Variants in VPS13A observed in about 807,000 individuals in gnomAD.
VPS13A encodes the protein intermembrane lipid transfer protein VPS13A.
VPS13A carries 264 observed loss-of-function variants against 390.9 expected under a neutral mutation model. The ratio of observed to expected loss-of-function variants is 0.68; its 90% CI spans 0.61 to 0.75. The LOEUF (loss-of-function observed/expected upper bound fraction) is 0.75. Among genes scored for constraint, VPS13A ranks in the 30% least tolerant of loss-of-function variants. VPS13A has a pLI of 0.00. For missense variants in VPS13A, 3,409 were observed against 3,733.9 expected, an observed-to-expected ratio of 0.91 and a Z score of 2.27; for synonymous variants, 1,231 against 1,227.1, an observed-to-expected ratio of 1.00 and a Z score of -0.07.
intron 58 of VPS13A, 34 bp from the exon 59 acceptor site, chr9:77,360,502 A>G (rs1832083583): frequency 1.3e-6 from 2 of 1,505,104 alleles, no homozygotes; most frequent in Non-Finnish European, 1.8e-6. Flanking sequence ...TTAATTGATG[A>G]TTTTTAAAAA....
rs1835170097 is a variant in VPS13A, at chr9:77,416,356, T to C, written c.*350T>C. The C allele has an allele frequency of 1.6e-5, 4 of 253,192 alleles. No homozygotes were observed. The Admixed American group carries it at 2.1e-4, about 13-fold the overall frequency. The allele number at this position is 253,192 out of a possible 1,614,324, so 15.7% of individuals were successfully genotyped here. On this transcript the variant is annotated 3_prime_UTR_variant, in exon 72 of 72. Coordinates refer to ENST00000360280, the MANE Select transcript of VPS13A (RefSeq NM_033305.3). ...TGGTGGAGAGGCTGCCCATAATTCA[T>C]CTCCACATGGAGCCAAGTTTAATGT... is the stretch of plus-strand genomic sequence containing the variant.
At chr9:77,204,782 G>A (rs926415853) in intron 3 of VPS13A, among the ~76,000 whole-genome samples, 3 of 151,946 alleles carry the variant, frequency 2.0e-5, no homozygotes, top group East Asian at 3.9e-4. Flanking sequence ...ATACTGTCAC[G>A]CCTGGCTAAT....
chr9:77,189,905 G>C (rs1012018286), intron 1 of VPS13A, among the ~76,000 whole-genome samples: 6 of 152,040 alleles, frequency 3.9e-5, no homozygotes, highest in African/African-American at 1.4e-4. Flanking sequence ...TCTCAGCTTG[G>C]ATGTTATTGG....
At chr9:77,319,878 C>G (rs1467557223) in intron 42 of VPS13A, among the ~76,000 whole-genome samples, 1 of 151,998 alleles carries the variant, frequency 6.6e-6, no homozygotes, top group African/African-American at 2.4e-5. Context: ...AAAAAATTTT[C>G]CAAAATTGAG....
rs1000270479 is a variant in VPS13A, at chr9:77,219,864, T to C, written c.755-90T>C. On this transcript the variant is annotated intron_variant, in intron 10 of 71. Coordinates refer to ENST00000360280, the MANE Select transcript of VPS13A (RefSeq NM_033305.3). ...AACTGTAGAAGGGGTATAAAATAAA[T>C]GGAAATCAGTGTTTTCAACTTCATC... is the stretch of plus-strand genomic sequence containing the variant. 7.0e-5 allele frequency: 96 copies of C among 1,370,626 alleles called. 3 individuals are homozygous for C. In the Admixed American group the frequency reaches 1.4e-3, roughly 19 times the overall value. 84.9% of individuals were successfully genotyped at this position (1,370,626 alleles called of 1,614,324 possible). A position where few individuals can be genotyped will look rare whatever the true frequency, so the allele number is the denominator to read the frequency against.
intron 10 of VPS13A, among the ~76,000 whole-genome samples, chr9:77,216,021 T>C (rs1441140897): frequency 6.6e-6 from 1 of 152,264 alleles, no homozygotes; most frequent in South Asian, 2.1e-4. Context: ...AAGCTACCGG[T>C]TCTGTAGGAG....
intron 5 of VPS13A, 28 bp from the exon 6 acceptor site, chr9:77,209,395 T>G: frequency 6.7e-7 from 1 of 1,499,376 alleles, no homozygotes; most frequent in South Asian, 1.1e-5. Flanking sequence ...TTCATTCAAT[T>G]TTAAAAAAGG....
chr9:77,201,377 G>A lies in VPS13A; in HGVS notation c.157G>A (p.Val53Ile), dbSNP rs1003553884. The change falls in exon 3 of 72, where the codon GTA becomes ATA. Residue 53 changes from valine (V) to isoleucine (I), a missense_variant. Val to Ile is a conservative substitution (Grantham distance 29). Coordinates refer to ENST00000360280, the MANE Select transcript of VPS13A (RefSeq NM_033305.3). ...IKENALSQLD[V>I]PFKVKVGHIG... ...ATTTTTTCTGTAGAGTCAACTGGAT[G>A]TACCATTTAAAGTTAAAGTTGGTCA... 1.2e-6 allele frequency: 2 copies of A among 1,609,504 alleles called. No individual in the cohort carries two copies. The highest frequency in any genetic ancestry group is 3.3e-5 in the Admixed American group (2 of 59,968).
In VPS13A at chr9:77,360,525, T is replaced by G; in HGVS notation, c.8106-11T>G. On this transcript the variant is annotated splice_polypyrimidine_tract_variant and intron_variant, in intron 58 of 71. Transcript: ENST00000360280. ...TGATTTTTAAAAAATGTTTTCTACTTTGTAATACAGGTATTTCAAAGTATT... is the reference window on the plus strand; with the variant it reads ...TGATTTTTAAAAAATGTTTTCTACTGTGTAATACAGGTATTTCAAAGTATT... The G allele has an allele frequency of 6.3e-7, 1 of 1,586,322 alleles. No individual in the cohort carries two copies. The highest frequency in any genetic ancestry group is 8.7e-7 in the Non-Finnish European group (1 of 1,155,332).
intron 23 of VPS13A, among the ~76,000 whole-genome samples, chr9:77,273,060 A>G (rs1410740796): frequency 6.6e-6 from 1 of 152,206 alleles, no homozygotes; most frequent in Non-Finnish European, 1.5e-5. Flanking sequence ...TTATTAAAAC[A>G]GTTCTACAAT....
intron 71 of VPS13A, among the ~76,000 whole-genome samples, chr9:77,412,367 C>A (rs1476902311): frequency 1.3e-5 from 2 of 152,190 alleles, no homozygotes; most frequent in South Asian, 2.1e-4. Context: ...CAAACCGAAT[C>A]CAGCAGCACA....
chr9:77,271,279 C>CTAAAAA (rs562446418), intron 23 of VPS13A, among the ~76,000 whole-genome samples: 41 of 152,190 alleles, frequency 2.7e-4, no homozygotes, highest in African/African-American at 7.9e-4. Flanking sequence ...GTTAGAATGG[C>CTAAAAA]TAAAAATAAG....
intron 71 of VPS13A, among the ~76,000 whole-genome samples, chr9:77,413,964 A>G (rs1226035937): frequency 1.3e-5 from 2 of 152,230 alleles, no homozygotes; most frequent in Non-Finnish European, 2.9e-5. Flanking sequence ...GAAGACATTT[A>G]TGCAGCCAGA....
chr9:77,378,502 G>C (rs1833237487), intron 67 of VPS13A, among the ~76,000 whole-genome samples: 1 of 151,764 alleles, frequency 6.6e-6, no homozygotes, highest in South Asian at 2.1e-4. Flanking sequence ...TTTATTCCTA[G>C]TATTCCCTTA....
At chr9:77,280,132 A>G in intron 26 of VPS13A, 27 bp from the exon 27 acceptor site, 13 of 1,527,652 alleles carry the variant, frequency 8.5e-6, no homozygotes, top group African/African-American at 1.4e-5. Flanking sequence ...TCCGATGAAA[A>G]GATAATTTTT....
intron 23 of VPS13A, among the ~76,000 whole-genome samples, chr9:77,262,846 G>T (rs1239134730): frequency 6.6e-6 from 1 of 152,142 alleles, no homozygotes; most frequent in African/African-American, 2.4e-5. Flanking sequence ...ATGGGCATTT[G>T]GGTTGGTTCT....
At chr9:77,194,063 G>A (rs918036935) in intron 1 of VPS13A, among the ~76,000 whole-genome samples, 4 of 152,122 alleles carry the variant, frequency 2.6e-5, no homozygotes, top group African/African-American at 4.8e-5. Context: ...TGGTGGGGCC[G>A]GCAAAAGTGC....
In VPS13A at chr9:77,237,880, A is replaced by G. The variant is rs1824246257; in HGVS notation, c.1596-122A>G. On this transcript the variant is annotated intron_variant, in intron 17 of 71. Coordinates refer to ENST00000360280, the MANE Select transcript of VPS13A (RefSeq NM_033305.3). The stretch of plus-strand genomic sequence containing the variant: ...TCATTGTATGTCTTCTTTGATGGGA[A>G]TGGACTGGAGTCAGAAATGCAAAGT... The G allele has an allele frequency of 4.3e-6, 3 of 695,174 alleles. No homozygotes were observed. The East Asian group carries it at 8.2e-5, about 19-fold the overall frequency. 43.1% of individuals were successfully genotyped at this position (695,174 alleles called of 1,614,324 possible). A position where few individuals can be genotyped will look rare whatever the true frequency, so the allele number is the denominator to read the frequency against.
chr9:77,308,039 C>G lies in VPS13A; in HGVS notation c.4055C>G (p.Thr1352Arg), dbSNP rs541783337. 1 of 1,613,640 alleles carries G rather than the reference C, an allele frequency of 6.2e-7. No individual in the cohort carries two copies. Among genetic ancestry groups the G allele is most frequent in the Non-Finnish European group, 8.5e-7 (1 of 1,179,848 alleles). The change falls in exon 35 of 72, where the codon ACA becomes AGA. Residue 1352 changes from threonine to arginine, a missense_variant. Coordinates refer to ENST00000360280, the MANE Select transcript of VPS13A (RefSeq NM_033305.3). Reference sequence around the variant, plus strand: ...GATGGTAGTGCCTCACCTGCTGTAACAAAAGACCAATACAGTGCCACTAGT... The same window carrying G: ...GATGGTAGTGCCTCACCTGCTGTAAGAAAAGACCAATACAGTGCCACTAGT... Reference protein sequence around the residue: ...EKDGSASPAVTKDQYSATSGV... With the variant: ...EKDGSASPAVRKDQYSATSGV...
Sources: allele counts gnomAD v4.1 joint callset (sites outside exome capture counted in the v4.1 genomes callset), GRCh38; gene constraint gnomAD v4.1.1; transcripts MANE v1.5; gene names NCBI Gene and HGNC (gene_info 2026-07-23, HGNC 2026-07-21).